The following SDCBP variants were observed in gnomAD, a reference collection of about 807,000 sequenced individuals.
SDCBP encodes syndecan binding protein.
Under a neutral mutation model 30.5 loss-of-function variants are expected in SDCBP, and 22 were observed. The observed-to-expected ratio is 0.72, with a 90% CI of 0.52 to 1.03. The LOEUF is 1.03. SDCBP is among the 50% of genes least tolerant of loss of function. The pLI, the probability that SDCBP is intolerant of heterozygous loss-of-function variation, is 0.00. For missense variants in SDCBP, 304 were observed against 369.9 expected (o/e 0.82, Z 1.46); for synonymous variants, 103 against 118.7 (o/e 0.87, Z 0.86).
At chr8:58,574,253 A>G (rs868035776) in intron 4 of SDCBP, among the ~76,000 whole-genome samples, 10 of 152,196 alleles carry the variant, frequency 6.6e-5, no homozygotes, top group African/African-American at 2.4e-4. Flanking sequence ...TCCCAACAGA[A>G]TATTTTTAAT....
chr8:58,554,924 A>G (rs1045640450), intron 1 of SDCBP, among the ~76,000 whole-genome samples: 23 of 152,236 alleles, frequency 1.5e-4, no homozygotes, highest in Admixed American at 1.4e-3. Context: ...TAAGCAGCAT[A>G]AAAAGGTATA....
At chr8:58,554,589 AGGAAAAGATGTAAAAAGG>A (rs1244220986) in intron 1 of SDCBP, among the ~76,000 whole-genome samples, 3 of 152,244 alleles carry the variant, frequency 2.0e-5, no homozygotes, top group Non-Finnish European at 4.4e-5. Flanking sequence ...TGGGCATTAT[AGGAAAAGATGTAAAAAGG>A]GGAAAAAGAT....
At chr8:58,562,490 A>G (rs1209052292) in intron 1 of SDCBP, among the ~76,000 whole-genome samples, 1 of 152,152 alleles carries the variant, frequency 6.6e-6, no homozygotes, top group Non-Finnish European at 1.5e-5. Context: ...TGGTATAAGG[A>G]TAGACATATA....
At chr8:58,579,495 T>A (rs1805550299) in intron 6 of SDCBP, 128 bp from the exon 7 acceptor site, 1 of 606,294 alleles carries the variant, frequency 1.6e-6, no homozygotes, top group South Asian at 5.3e-5. Context: ...ATCAGAGCCA[T>A]AAGTTGCTCT....
chr8:58,567,768 A>G (rs1234933831), intron 2 of SDCBP, among the ~76,000 whole-genome samples: 1 of 152,220 alleles, frequency 6.6e-6, no homozygotes, highest in Non-Finnish European at 1.5e-5. Context: ...ACAAACCTGT[A>G]TGATCCCACC....
intron 5 of SDCBP, chr8:58,576,319 C>A: frequency 9.9e-6 from 3 of 301,596 alleles, no homozygotes; most frequent in African/African-American, 2.2e-5. Context: ...CACTGGCCTA[C>A]ATATATTATA....
chr8:58,561,672 T>C, intron 1 of SDCBP: 1 of 601,654 alleles, frequency 1.7e-6, no homozygotes, highest in Non-Finnish European at 2.9e-6. Context: ...TCATCACCAC[T>C]ATATCTGACT....
At chr8:58,553,882 A>T (rs1173585994) in intron 1 of SDCBP, among the ~76,000 whole-genome samples, 2 of 152,090 alleles carry the variant, frequency 1.3e-5, no homozygotes, top group Non-Finnish European at 2.9e-5. Context: ...GTTCGCTTTG[A>T]GCTTTTTCCT....
At chr8:58,559,676 G>A (rs933180457) in intron 1 of SDCBP, among the ~76,000 whole-genome samples, 1 of 152,090 alleles carries the variant, frequency 6.6e-6, no homozygotes, top group Non-Finnish European at 1.5e-5. Flanking sequence ...CAAAAGATGT[G>A]TAATAGCAGC....
chr8:58,571,565 C>T (rs1180142926), intron 3 of SDCBP, among the ~76,000 whole-genome samples: 1 of 152,064 alleles, frequency 6.6e-6, no homozygotes, highest in Non-Finnish European at 1.5e-5. Flanking sequence ...AACATTGTGC[C>T]TCATAGAAAA....
intron 2 of SDCBP, among the ~76,000 whole-genome samples, chr8:58,568,903 G>T (rs1804857950): frequency 6.6e-6 from 1 of 152,078 alleles, no homozygotes; most frequent in Admixed American, 6.5e-5. Flanking sequence ...GTTTTCTTTA[G>T]CGTCAGGATG....
chr8:58,572,080 T>C (rs1805058299), intron 3 of SDCBP, 125 bp from the exon 4 acceptor site: 1 of 615,850 alleles, frequency 1.6e-6, no homozygotes, highest in Non-Finnish European at 2.9e-6. Flanking sequence ...AAATTGCTAC[T>C]TTAAATTCAT....
At chr8:58,556,765 T>C (rs1019902775) in intron 1 of SDCBP, among the ~76,000 whole-genome samples, 1 of 150,470 alleles carries the variant, frequency 6.6e-6, no homozygotes, top group Non-Finnish European at 1.5e-5. Flanking sequence ...GTTACTCTTA[T>C]ATTGCCCTGA....
intron 6 of SDCBP, among the ~76,000 whole-genome samples, chr8:58,578,573 T>C (rs938274245): frequency 1.2e-4 from 19 of 152,198 alleles, no homozygotes; most frequent in African/African-American, 4.6e-4. Context: ...CCATGCAGAC[T>C]TCCAAGTAGT....
intron 1 of SDCBP, among the ~76,000 whole-genome samples, chr8:58,555,404 G>A (rs1426589822): frequency 6.6e-6 from 1 of 152,126 alleles, no homozygotes; most frequent in Non-Finnish European, 1.5e-5. Flanking sequence ...TCAAACTTTG[G>A]ATTTTTGCCA....
At chr8:58,565,119 A>G in intron 2 of SDCBP, 35 bp downstream of exon 2, 2 of 1,130,802 alleles carry the variant, frequency 1.8e-6, no homozygotes, top group Non-Finnish European at 2.6e-6. Flanking sequence ...CAAAACAAAC[A>G]CAGTAACATG....
chr8:58,575,379 G>T (rs886478670), intron 4 of SDCBP, among the ~76,000 whole-genome samples: 1 of 152,138 alleles, frequency 6.6e-6, no homozygotes, highest in African/African-American at 2.4e-5. Flanking sequence ...CATATGATTT[G>T]TTAATCCATA....
rs755914055 is a variant in SDCBP at position 58,570,954 on chromosome 8, C to T, written c.119C>T (p.Pro40Leu). 3 of 1,609,822 alleles carry T rather than the reference C, an allele frequency of 1.9e-6. No homozygotes were observed. Among genetic ancestry groups the T allele is most frequent in the South Asian group, 1.1e-5 (1 of 90,924 alleles). The change falls in exon 3 of 9, where the codon CCT becomes CTT. Residue 40 changes from proline (P) to leucine (L), a missense_variant. By Grantham distance (98) the Pro-to-Leu change is moderately conservative. Coordinates refer to ENST00000260130, the MANE Select transcript of SDCBP (RefSeq NM_005625.4). Reference protein sequence around the residue: ...AILSEASAPIPHDGNLYPRLY... With the variant: ...AILSEASAPILHDGNLYPRLY... Reference sequence around the variant, plus strand: ...TTGTCAGAAGCTTCTGCTCCTATCCCTCACGATGGAAGTAGGTTTATACTT... The same window carrying T: ...TTGTCAGAAGCTTCTGCTCCTATCCTTCACGATGGAAGTAGGTTTATACTT...
intron 4 of SDCBP, 125 bp from the exon 5 acceptor site, chr8:58,575,775 C>T (rs1805277934): frequency 2.7e-6 from 2 of 745,728 alleles, no homozygotes; most frequent in East Asian, 2.5e-5. Context: ...CAAACTTTAT[C>T]GGAAGGAAAT....
Sources: allele counts gnomAD v4.1 joint callset (sites outside exome capture counted in the v4.1 genomes callset), GRCh38; gene constraint gnomAD v4.1.1; transcripts MANE v1.5; gene names NCBI Gene and HGNC (gene_info 2026-07-23, HGNC 2026-07-21).